Variants in OR9Q1 observed in about 807,000 individuals in gnomAD.
The protein encoded by OR9Q1 is olfactory receptor 9Q1.
For synonymous variants in OR9Q1, 153 were observed against 148.6 expected (o/e 1.03, Z -0.22); for missense variants, 374 against 378.8 (o/e 0.99, Z 0.11).
At chr11:58,102,136 C>T (rs1400069917) in intron 2 of OR9Q1, among the ~76,000 whole-genome samples, 1 of 152,074 alleles carries the variant, frequency 6.6e-6, no homozygotes, top group Non-Finnish European at 1.5e-5. Context: ...TCTGATTTGG[C>T]TAGTGTATAC....
chr11:58,108,256 A>T (rs1041340482), intron 2 of OR9Q1, among the ~76,000 whole-genome samples: 2 of 152,158 alleles, frequency 1.3e-5, no homozygotes, highest in Non-Finnish European at 2.9e-5. Flanking sequence ...TCCATACCAC[A>T]AAAAACCCTT....
chr11:58,048,675 A>ATATATATATAT (rs1554965234), intron 1 of OR9Q1, among the ~76,000 whole-genome samples: 1 of 43,116 alleles, frequency 2.3e-5, no homozygotes, highest in African/African-American at 5.3e-5. Flanking sequence ...ATCTTAAAAA[A>ATATATATATAT]AAAAATATAT....
chr11:58,040,470 A>G (rs114592532), intron 1 of OR9Q1, among the ~76,000 whole-genome samples: 379 of 152,266 alleles, frequency 2.5e-3, no homozygotes, highest in African/African-American at 8.8e-3. Flanking sequence ...ACCTTTTCCA[A>G]TGCTAATTTT....
At chr11:58,110,392 A>C (rs1853887859) in intron 2 of OR9Q1, among the ~76,000 whole-genome samples, 1 of 152,132 alleles carries the variant, frequency 6.6e-6, no homozygotes, top group Non-Finnish European at 1.5e-5. Context: ...CCTATGAACT[A>C]TGTCATCACC....
intron 2 of OR9Q1, among the ~76,000 whole-genome samples, chr11:58,176,447 T>A (rs2119965405): frequency 6.6e-6 from 1 of 152,296 alleles, no homozygotes; most frequent in Non-Finnish European, 1.5e-5. Flanking sequence ...ACCTCAGAGC[T>A]TTTGTAGCAA....
rs115110254 is a variant in OR9Q1, at chr11:58,147,405, G to T, written c.-14-32026G>T. 2.3e-3 allele frequency among the ~76,000 whole-genome samples: 348 copies of T among 152,248 alleles called. 1 individual carries two copies. Among genetic ancestry groups the T allele is most frequent in the African/African-American group, 8.2e-3 (341 of 41,546 alleles). On this transcript the variant is annotated intron_variant, in intron 2 of 2. Transcript: ENST00000335397. ...CTACCCTGTGCCAGACTGTGTTTAT[G>T]AGCTTAAGAAACCACCCCTTACTGG...
intron 2 of OR9Q1, among the ~76,000 whole-genome samples, chr11:58,133,630 A>C (rs545757825): frequency 6.6e-6 from 1 of 152,332 alleles, no homozygotes; most frequent in African/African-American, 2.4e-5. Context: ...TCAGAATCAG[A>C]AGACATAGAA....
intron 1 of OR9Q1, chr11:58,031,443 T>C (rs772602014): frequency 1.2e-6 from 2 of 1,614,156 alleles, no homozygotes; most frequent in African/African-American, 1.3e-5. Flanking sequence ...ATCTTGCCAA[T>C]CTACCTCTTG....
At chr11:58,173,227 C>T (rs1200201583) in intron 2 of OR9Q1, among the ~76,000 whole-genome samples, 2 of 151,710 alleles carry the variant, frequency 1.3e-5, no homozygotes, top group African/African-American at 2.4e-5. Context: ...TGTTGGTGTA[C>T]TGCACCCATT....
At chr11:58,104,235 C>T (rs758410915) in intron 2 of OR9Q1, among the ~76,000 whole-genome samples, 23 of 151,506 alleles carry the variant, frequency 1.5e-4, no homozygotes, top group Non-Finnish European at 3.1e-4. Flanking sequence ...TTGTACAAGG[C>T]CATGACCTGC....
At chr11:58,130,367 TA>T (rs1399969604) in intron 2 of OR9Q1, among the ~76,000 whole-genome samples, 10 of 152,168 alleles carry the variant, frequency 6.6e-5, no homozygotes, top group Middle Eastern at 3.2e-3. Flanking sequence ...AATCATCAAA[TA>T]TTTGAAAGAA....
intron 1 of OR9Q1, among the ~76,000 whole-genome samples, chr11:58,033,236 C>T (rs1853061394): frequency 6.6e-6 from 1 of 152,170 alleles, no homozygotes; most frequent in Non-Finnish European, 1.5e-5. Context: ...CTATTCAAGC[C>T]AGCAATCCCA....
At position 58,180,425 on chromosome 11, in the gene OR9Q1, C is replaced by T. The variant is rs1327024597; in HGVS notation, c.*48C>T. On this transcript the variant is annotated 3_prime_UTR_variant, in exon 3 of 3. Coordinates refer to ENST00000335397, the MANE Select transcript of OR9Q1 (RefSeq NM_001005212.4). ...CCGAGAACCACCTACTCTGTAGTGT[C>T]AGAATTCTGGACGCTCATTATTTAT... is the stretch of plus-strand genomic sequence containing the variant. The T allele has an allele frequency of 1.4e-5, 17 of 1,187,010 alleles. No individual in the cohort carries two copies. Among genetic ancestry groups the T allele is most frequent in the Non-Finnish European group, 2.0e-5 (17 of 836,440 alleles). 73.5% of individuals were successfully genotyped at this position (1,187,010 alleles called of 1,614,324 possible).
At chr11:58,134,701 C>G (rs1854174845) in intron 2 of OR9Q1, among the ~76,000 whole-genome samples, 1 of 152,126 alleles carries the variant, frequency 6.6e-6, no homozygotes, top group African/African-American at 2.4e-5. Flanking sequence ...TCGTGTCTTT[C>G]TCTGTGACCT....
chr11:58,063,164 G>A (rs185384202), intron 2 of OR9Q1, among the ~76,000 whole-genome samples: 70 of 152,256 alleles, frequency 4.6e-4, no homozygotes, highest in Non-Finnish European at 8.4e-4. Flanking sequence ...ATTTGCTTCT[G>A]TACTTTCTTT....
intron 2 of OR9Q1, among the ~76,000 whole-genome samples, chr11:58,175,317 T>G (rs1854594716): frequency 6.6e-6 from 1 of 152,036 alleles, no homozygotes; most frequent in Non-Finnish European, 1.5e-5. Context: ...TGTCACTCAC[T>G]GTCCCTGGAG....
chr11:58,157,231 C>A (rs536975931), intron 2 of OR9Q1, among the ~76,000 whole-genome samples: 1 of 152,286 alleles, frequency 6.6e-6, no homozygotes, highest in Admixed American at 6.5e-5. Flanking sequence ...CGTCTACTCA[C>A]TTTCCTACCA....
chr11:58,125,423 T>G (rs1854081630), intron 2 of OR9Q1: 1 of 152,194 alleles, frequency 6.6e-6, no homozygotes, highest in Non-Finnish European at 1.5e-5. Context: ...TAATTAAGTC[T>G]TAATTACCTG....
intron 2 of OR9Q1, among the ~76,000 whole-genome samples, chr11:58,111,401 G>A (rs931887051): frequency 6.6e-6 from 1 of 152,110 alleles, no homozygotes; most frequent in Non-Finnish European, 1.5e-5. Context: ...TCTGTCAAAG[G>A]AGTTTCCTAT....
Sources: gnomAD v4.1 joint callset for allele counts (sites outside exome capture counted in the v4.1 genomes callset) on GRCh38, gnomAD v4.1.1 for gene constraint, MANE v1.5 for transcripts, NCBI Gene and HGNC (gene_info 2026-07-23, HGNC 2026-07-21) for gene names.